ST6GAL2: variants seen among roughly 807,000 people sequenced by gnomAD.
ST6GAL2 encodes ST6 beta-galactoside alpha-2,6-sialyltransferase 2, also known as beta-galactoside alpha-2,6-sialyltransferase 2.
ST6GAL2 carries 24 observed loss-of-function variants against 37.5 expected under a neutral mutation model. That is an observed-to-expected ratio of 0.64 (90% CI 0.46 to 0.90). The LOEUF is 0.90. ST6GAL2 is among the 40% of genes least tolerant of loss of function. ST6GAL2 has a pLI of 0.00. For missense variants in ST6GAL2, 715 were observed against 712.7 expected (o/e 1.00, Z -0.04); for synonymous variants, 306 against 295.1 (o/e 1.04, Z -0.38).
chr2:106,874,796 A>T (rs6740912), intron 1 of ST6GAL2, among the ~76,000 whole-genome samples: 104,747 of 152,072 alleles, frequency 0.69, 36,450 homozygotes, highest in Non-Finnish European at 0.75. Flanking sequence ...TGAAGCATAA[A>T]CACATATTTT....
chr2:106,813,862 C>T (rs527378623), intron 5 of ST6GAL2, among the ~76,000 whole-genome samples: 3 of 152,200 alleles, frequency 2.0e-5, no homozygotes, highest in South Asian at 2.1e-4. Context: ...AACACTTTTC[C>T]GAATGAGGGG....
At chr2:106,859,193 G>T (rs573287940) in intron 1 of ST6GAL2, among the ~76,000 whole-genome samples, 3 of 152,062 alleles carry the variant, frequency 2.0e-5, no homozygotes, top group Admixed American at 1.3e-4. Context: ...CACCTAAAAG[G>T]GTTGGCTGAA....
At chr2:106,864,980 G>A (rs997073532) in intron 1 of ST6GAL2, among the ~76,000 whole-genome samples, 10 of 151,976 alleles carry the variant, frequency 6.6e-5, no homozygotes, top group Non-Finnish European at 4.4e-5. Context: ...CCCATTCTAT[G>A]GTGTAAACGC....
intron 1 of ST6GAL2, among the ~76,000 whole-genome samples, chr2:106,872,989 T>C (rs1186862563): frequency 6.6e-6 from 1 of 152,182 alleles, no homozygotes; most frequent in Non-Finnish European, 1.5e-5. Context: ...ATTTTAGCCT[T>C]GCCTTTGGGA....
chr2:106,848,521 G>A (rs1347447258), intron 1 of ST6GAL2, among the ~76,000 whole-genome samples: 1 of 152,198 alleles, frequency 6.6e-6, no homozygotes, highest in Non-Finnish European at 1.5e-5. Context: ...ACAGTGGTGG[G>A]AAGTGAAACA....
At chr2:106,865,271 T>C (rs748588217) in intron 1 of ST6GAL2, among the ~76,000 whole-genome samples, 3 of 152,160 alleles carry the variant, frequency 2.0e-5, no homozygotes, top group East Asian at 1.9e-4. Context: ...TCTTACTCCA[T>C]CAAGAAAACT....
intron 2 of ST6GAL2, among the ~76,000 whole-genome samples, chr2:106,835,259 A>C (rs934121215): frequency 6.6e-6 from 1 of 152,116 alleles, no homozygotes; most frequent in African/African-American, 2.4e-5. Context: ...AGGTGAAAAG[A>C]AGTATTTCTG....
intron 5 of ST6GAL2, chr2:106,812,928 T>A: frequency 1.3e-6 from 1 of 745,768 alleles, no homozygotes; most frequent in Non-Finnish European, 1.8e-6. Context: ...GTTTAAGAAC[T>A]ACAAAAAATT....
Position 106,832,783 on chromosome 2 carries a change from G to C in ST6GAL2, c.1042-117C>G. The C allele has an allele frequency of 4.1e-6, 3 of 723,798 alleles. No homozygotes were observed. The South Asian group carries it at 4.5e-5, about 11-fold the overall frequency. The allele number at this position is 723,798 out of a possible 1,614,324, so 44.8% of individuals were successfully genotyped here. On this transcript the variant is annotated intron_variant, in intron 3 of 5. Transcript: ENST00000409382. ...CAAAAAAACAGGTGGCTCAGACGTT[G>C]TATTTTCTTCTGGGGGAGGGAGAGA...
chr2:106,844,661 G>T (rs1677074059), intron 1 of ST6GAL2, among the ~76,000 whole-genome samples: 1 of 152,138 alleles, frequency 6.6e-6, no homozygotes, highest in African/African-American at 2.4e-5. Flanking sequence ...GTTATTTCAG[G>T]GTGCCTGTTG....
chr2:106,806,596 A>G lies in ST6GAL2; in HGVS notation c.*82T>C. ...TTAAAGACTCAAAACTACACTGTCT[A>G]AAATCTATCTTCAAGTATTCTTTTG... On this transcript the variant is annotated 3_prime_UTR_variant, in exon 6 of 6. Transcript: ENST00000409382. The G allele has an allele frequency of 6.7e-7, 1 of 1,484,542 alleles. No homozygotes were observed. Among genetic ancestry groups the G allele is most frequent in the Non-Finnish European group, 9.2e-7 (1 of 1,087,672 alleles). The allele number at this position is 1,484,542 out of a possible 1,614,324, so 92.0% of individuals were successfully genotyped here.
intron 2 of ST6GAL2, among the ~76,000 whole-genome samples, chr2:106,837,223 A>G (rs576827103): frequency 1.6e-4 from 24 of 152,296 alleles, no homozygotes; most frequent in African/African-American, 5.8e-4. Context: ...TCACAGTGCA[A>G]TTACCCAAGG....
rs202000304 is a variant in ST6GAL2 at position 106,880,595 on chromosome 2, ATAAG to A, written c.-58+5494_-58+5497del. ...TTCACATTCACATATATGTACACAC[ATAAG>A]TATGTTTTCCATATGTATCCTATTT... On this transcript the variant is annotated intron_variant, in intron 1 of 5. Coordinates refer to ENST00000409382, the MANE Select transcript of ST6GAL2 (RefSeq NM_001142351.2). Among the ~76,000 whole-genome samples the A allele has an allele frequency of 9.0e-3, 1,372 of 152,374 alleles. 17 individuals carry two copies. Among genetic ancestry groups the A allele is most frequent in the African/African-American group, 0.03 (1,239 of 41,584 alleles).
intron 1 of ST6GAL2, among the ~76,000 whole-genome samples, chr2:106,876,472 T>C (rs1414633359): frequency 2.0e-5 from 3 of 152,250 alleles, no homozygotes; most frequent in Non-Finnish European, 4.4e-5. Context: ...TGGTTAACTT[T>C]ACCTTATTTT....
At chr2:106,856,619 T>C (rs1010287026) in intron 1 of ST6GAL2, among the ~76,000 whole-genome samples, 1 of 152,164 alleles carries the variant, frequency 6.6e-6, no homozygotes, top group Non-Finnish European at 1.5e-5. Flanking sequence ...ATCCTATGAT[T>C]GAGGAGCTAT....
chr2:106,806,569 G>T lies in ST6GAL2; in HGVS notation c.*109C>A. The stretch of plus-strand genomic sequence containing the variant: ...TTATCATGACCACCACTAAATTACT[G>T]TTTAAAGACTCAAAACTACACTGTC... On this transcript the variant is annotated 3_prime_UTR_variant, in exon 6 of 6. Coordinates refer to ENST00000409382, the MANE Select transcript of ST6GAL2 (RefSeq NM_001142351.2). 1.6e-6 allele frequency: 2 copies of T among 1,255,606 alleles called. No homozygotes were observed. Among genetic ancestry groups the T allele is most frequent in the Non-Finnish European group, 2.2e-6 (2 of 896,574 alleles). 77.8% of individuals were successfully genotyped at this position (1,255,606 alleles called of 1,614,324 possible).
chr2:106,854,771 C>T (rs566017670), intron 1 of ST6GAL2, among the ~76,000 whole-genome samples: 4 of 152,052 alleles, frequency 2.6e-5, no homozygotes, highest in African/African-American at 4.8e-5. Flanking sequence ...CATTAAGTAA[C>T]CTGAGTGTTT....
At chr2:106,863,622 A>G (rs1007169893) in intron 1 of ST6GAL2, among the ~76,000 whole-genome samples, 1 of 152,130 alleles carries the variant, frequency 6.6e-6, no homozygotes, top group Non-Finnish European at 1.5e-5. Context: ...TACACCTGCA[A>G]AACACTGAGA....
At chr2:106,853,217 TG>T (rs1419071660) in intron 1 of ST6GAL2, among the ~76,000 whole-genome samples, 1 of 152,228 alleles carries the variant, frequency 6.6e-6, no homozygotes, top group Non-Finnish European at 1.5e-5. Context: ...CTGGAGTAAA[TG>T]ATGTTCCCAG....
Sources: allele counts gnomAD v4.1 joint callset (sites outside exome capture counted in the v4.1 genomes callset), GRCh38; gene constraint gnomAD v4.1.1; transcripts MANE v1.5; gene names NCBI Gene and HGNC (gene_info 2026-07-23, HGNC 2026-07-21).